Variants in TRIM60 observed in about 807,000 individuals in gnomAD.
TRIM60 encodes tripartite motif-containing protein 60.
For synonymous variants in TRIM60, 189 were observed against 195.2 expected, an observed-to-expected ratio of 0.97 and a Z score of 0.27; for missense variants, 524 against 540.8, an observed-to-expected ratio of 0.97 and a Z score of 0.31.
intron 1 of TRIM60, among the ~76,000 whole-genome samples, chr4:165,032,907 C>G (rs1733537997): frequency 6.6e-6 from 1 of 152,066 alleles, no homozygotes; most frequent in Admixed American, 6.6e-5. Flanking sequence ...AGAGTAGGAG[C>G]CAGGCGCGGT....
In TRIM60 at chr4:165,040,285, C is replaced by T; in HGVS notation, c.213C>T (p.Leu71=). ...AGAGCTTCAGGAGGAACCCCCAGCT[C>T]CGTAATTTGACTGAAATTGCTAAAC... ...PYKSFRRNPQ[L]RNLTEIAKQL... is the part of the protein sequence containing the mutation. The change falls in exon 3 of 3, where the codon CTC becomes CTT. Residue 71 remains leucine, a synonymous_variant. Coordinates refer to ENST00000512596, the MANE Select transcript of TRIM60 (RefSeq NM_152620.3). 1 of 1,614,150 alleles carries T rather than the reference C, an allele frequency of 6.2e-7. No homozygotes were observed. Among genetic ancestry groups the T allele is most frequent in the Non-Finnish European group, 8.5e-7 (1 of 1,180,032 alleles).
In TRIM60 at chr4:165,040,652, T is replaced by C. The variant is rs761875502; in HGVS notation, c.580T>C (p.Leu194=). The change falls in exon 3 of 3, where the codon TTA becomes CTA. Residue 194 remains leucine (L), a synonymous_variant. Transcript: ENST00000512596. ...NSEFEQIRLF[L]QNEQEMILRQ... ...TGAGTTTGAGCAAATAAGATTGTTT[T>C]TACAGAATGAACAAGAGATGATTCT... 1 of 1,614,036 alleles carries C rather than the reference T, an allele frequency of 6.2e-7. No individual in the cohort carries two copies. Among genetic ancestry groups the C allele is most frequent in the Admixed American group, 1.7e-5 (1 of 60,010 alleles).
rs1419129070 is a variant in TRIM60, at chr4:165,040,603, A to C, written c.531A>C (p.Glu177Asp). 1.2e-6 allele frequency: 2 copies of C among 1,614,204 alleles called. No homozygotes were observed. Among genetic ancestry groups the C allele is most frequent in the Admixed American group, 1.7e-5 (1 of 60,030 alleles). Reference protein sequence around the residue: ...SKSVELKKKVEYKREEINSEF... With the variant: ...SKSVELKKKVDYKREEINSEF... ...CAGTGGAGCTGAAAAAGAAGGTAGA[A>C]TATAAGAGGGAAGAAATAAATTCTG... The change falls in exon 3 of 3, where the codon GAA (glutamate) becomes GAC (aspartate). Residue 177 changes from glutamate (E) to aspartate (D), a missense_variant. By Grantham distance (45) the Glu-to-Asp change is conservative. Transcript: ENST00000512596.
intron 1 of TRIM60, among the ~76,000 whole-genome samples, chr4:165,032,555 T>C (rs1172303559): frequency 1.3e-5 from 2 of 152,162 alleles, no homozygotes; most frequent in African/African-American, 4.8e-5. Flanking sequence ...GGCCGGATTC[T>C]GTTTTCGCCG....
intron 2 of TRIM60, among the ~76,000 whole-genome samples, 188 bp from the exon 3 acceptor site, chr4:165,039,881 C>T (rs1733711466): frequency 1.3e-5 from 2 of 151,858 alleles, no homozygotes; most frequent in Admixed American, 6.6e-5. Context: ...ATATTATTAT[C>T]CTCCAAGCTA....
intron 1 of TRIM60, among the ~76,000 whole-genome samples, chr4:165,034,196 A>C (rs186431227): frequency 3.4e-4 from 51 of 151,060 alleles, no homozygotes; most frequent in African/African-American, 1.2e-3. Context: ...TCTGTCGCCC[A>C]GGATGGAGTG....
Position 165,041,747 on chromosome 4 carries a change from TA to T in TRIM60, c.*261del, listed in dbSNP as rs202216539. The T allele has an allele frequency of 8.7e-4, 271 of 311,382 alleles. No individual in the cohort carries two copies. The highest frequency in any genetic ancestry group is 6.6e-3 in the East Asian group (114 of 17,232). 19.3% of individuals were successfully genotyped at this position (311,382 alleles called of 1,614,324 possible). On this transcript the variant is annotated 3_prime_UTR_variant, in exon 3 of 3. Transcript: ENST00000512596. ...CAATAAAATGTTTTCAAATTGCCTA[TA>T]ATTTTTTTTTTTAGTTAAGCAAATT...
intron 1 of TRIM60, among the ~76,000 whole-genome samples, chr4:165,032,929 G>A (rs1431356931): frequency 6.6e-6 from 1 of 151,940 alleles, no homozygotes; most frequent in East Asian, 1.9e-4. Flanking sequence ...GCTCACACCT[G>A]TAACCCCATG....
At chr4:165,038,852 A>G (rs1486731782) in intron 1 of TRIM60, among the ~76,000 whole-genome samples, 1 of 151,946 alleles carries the variant, frequency 6.6e-6, no homozygotes, top group Admixed American at 6.6e-5. Flanking sequence ...AGGAGGGCAG[A>G]TCACATGAGG....
chr4:165,033,713 T>C (rs10000216), intron 1 of TRIM60, among the ~76,000 whole-genome samples: 9,934 of 152,238 alleles, frequency 0.065, 417 homozygotes, highest in South Asian at 0.13. Flanking sequence ...ATAGGGAGAA[T>C]TCAGCATGAA....
chr4:165,032,352 G>T (rs147533904), intron 1 of TRIM60, among the ~76,000 whole-genome samples: 147 of 152,296 alleles, frequency 9.7e-4, no homozygotes, highest in African/African-American at 3.4e-3. Context: ...GGATTCAAGC[G>T]ATTCTCCTGT....
At position 165,040,670 on chromosome 4, in the gene TRIM60, A is replaced by G. The variant is rs750235048; in HGVS notation, c.598A>G (p.Met200Val). The G allele has an allele frequency of 6.2e-7, 1 of 1,613,928 alleles. No individual in the cohort carries two copies. The highest frequency in any genetic ancestry group is 8.5e-7 in the Non-Finnish European group (1 of 1,179,920). ...IRLFLQNEQE[M>V]ILRQIQDEEM... ...ATTGTTTTTACAGAATGAACAAGAG[A>G]TGATTCTTAGGCAGATACAAGATGA... The change falls in exon 3 of 3, where the codon ATG becomes GTG. Residue 200 changes from methionine to valine, a missense_variant. Coordinates refer to ENST00000512596, the MANE Select transcript of TRIM60 (RefSeq NM_152620.3).
At chr4:165,037,194 T>C (rs527660521) in intron 1 of TRIM60, among the ~76,000 whole-genome samples, 164 of 152,000 alleles carry the variant, frequency 1.1e-3, no homozygotes, top group African/African-American at 3.5e-3. Context: ...AGAGCAAAAC[T>C]GTCTCAAAAC....
In TRIM60 at chr4:165,040,387, C is replaced by A; in HGVS notation, c.315C>A (p.Thr105=). ...AMCEKHNQFL[T]LFCVKDLEIL... ...GTGAAAAACACAACCAGTTTCTGAC[C>A]CTCTTCTGTGTTAAAGATCTAGAGA... The change falls in exon 3 of 3, where the codon ACC becomes ACA. Residue 105 remains threonine, a synonymous_variant. Transcript: ENST00000512596. 1 of 1,614,124 alleles carries A rather than the reference C, an allele frequency of 6.2e-7. No individual in the cohort carries two copies. The highest frequency in any genetic ancestry group is 8.5e-7 in the Non-Finnish European group (1 of 1,180,030).
rs146335046 is a variant in TRIM60 at position 165,040,698 on chromosome 4, A to T, written c.626A>T (p.Glu209Val). The T allele has an allele frequency of 6.1e-4, 980 of 1,613,902 alleles. 6 individuals are homozygous for T. In the African/African-American group the frequency reaches 0.011, roughly 18 times the overall value. The change falls in exon 3 of 3, where the codon GAG becomes GTG. Residue 209 changes from glutamate (E) to valine (V), a missense_variant. Coordinates refer to ENST00000512596, the MANE Select transcript of TRIM60 (RefSeq NM_152620.3). The part of the protein sequence containing the change: ...EMILRQIQDE[E>V]MNILAKLNEN... Reference sequence around the variant, plus strand: ...ATTCTTAGGCAGATACAAGATGAAGAGATGAACATTTTAGCAAAACTAAAT... The same window carrying T: ...ATTCTTAGGCAGATACAAGATGAAGTGATGAACATTTTAGCAAAACTAAAT...
Position 165,041,359 on chromosome 4 carries a change from T to C in TRIM60, c.1287T>C (p.Tyr429=). 1 of 1,614,140 alleles carries C rather than the reference T, an allele frequency of 6.2e-7. No individual in the cohort carries two copies. The highest frequency in any genetic ancestry group is 8.5e-7 in the Non-Finnish European group (1 of 1,179,944). ...ATGAATTGGGTGATCTTTCCTTTTA[T>C]AATATGAATGATAGGTCTATTCTCT... ...LDYELGDLSF[Y]NMNDRSILYT... Residue 429 remains tyrosine, a synonymous_variant, in exon 3 of 3, where the codon TAT becomes TAC. Transcript: ENST00000512596.
At position 165,040,388 on chromosome 4, in the gene TRIM60, C is replaced by A; in HGVS notation, c.316C>A (p.Leu106Ile). ...MCEKHNQFLTLFCVKDLEILC... is the reference protein window; with the variant it reads ...MCEKHNQFLTIFCVKDLEILC... ...TGAAAAACACAACCAGTTTCTGACC[C>A]TCTTCTGTGTTAAAGATCTAGAGAT... Residue 106 changes from leucine (L) to isoleucine (I), a missense_variant, in exon 3 of 3, where the codon CTC (leucine) becomes ATC (isoleucine). Transcript: ENST00000512596. 2 of 1,614,190 alleles carry A rather than the reference C, an allele frequency of 1.2e-6. No individual in the cohort carries two copies. Among genetic ancestry groups the A allele is most frequent in the Non-Finnish European group, 1.7e-6 (2 of 1,180,032 alleles).
At position 165,040,282 on chromosome 4, in the gene TRIM60, G is replaced by T. The variant is rs761092020; in HGVS notation, c.210G>T (p.Gln70His). Residue 70 changes from glutamine to histidine, a missense_variant, in exon 3 of 3, where the codon CAG (glutamine) becomes CAT (histidine). Transcript: ENST00000512596. ...FPYKSFRRNP[Q>H]LRNLTEIAKQ... is the part of the protein sequence containing the mutation. ...ACAAGAGCTTCAGGAGGAACCCCCA[G>T]CTCCGTAATTTGACTGAAATTGCTA... is the stretch of plus-strand genomic sequence containing the variant. 6.2e-7 allele frequency: 1 copy of T among 1,614,152 alleles called. No homozygotes were observed. Among genetic ancestry groups the T allele is most frequent in the Non-Finnish European group, 8.5e-7 (1 of 1,180,020 alleles).
At chr4:165,036,881 CA>C (rs58526101) in intron 1 of TRIM60, among the ~76,000 whole-genome samples, 11,307 of 76,082 alleles carry the variant, frequency 0.15, 399 homozygotes, top group Middle Eastern at 0.26. Flanking sequence ...GACTCTGTCT[CA>C]AAAAAAAAAA....
Sources: gnomAD v4.1 joint callset for allele counts (sites outside exome capture counted in the v4.1 genomes callset) on GRCh38, gnomAD v4.1.1 for gene constraint, MANE v1.5 for transcripts, NCBI Gene and HGNC (gene_info 2026-07-23, HGNC 2026-07-21) for gene names.